Variants in MED12L observed in about 807,000 individuals in gnomAD.
The protein encoded by MED12L is mediator of RNA polymerase II transcription subunit 12-like protein.
Under a neutral mutation model 281.3 loss-of-function variants are expected in MED12L, and 60 were observed. That is an observed-to-expected ratio of 0.21 (90% confidence interval 0.17 to 0.26). MED12L has a LOEUF of 0.26. Ranked by LOEUF, MED12L falls within the 10% of genes least tolerant of loss-of-function variation. The pLI is 1.00. For missense variants in MED12L, 2,146 were observed against 2,680.9 expected, an observed-to-expected ratio of 0.80 and a Z score of 4.41; for synonymous variants, 974 against 987.2, an observed-to-expected ratio of 0.99 and a Z score of 0.25.
intron 11 of MED12L, among the ~76,000 whole-genome samples, chr3:151,179,079 C>T (rs1358263596): frequency 1.3e-5 from 2 of 152,154 alleles, no homozygotes; most frequent in African/African-American, 4.8e-5. Context: ...GTGGCTCATA[C>T]TGGTAATGCC....
chr3:151,200,256 A>G (rs1157816882), intron 16 of MED12L, among the ~76,000 whole-genome samples: 1 of 152,196 alleles, frequency 6.6e-6, no homozygotes, highest in Non-Finnish European at 1.5e-5. Flanking sequence ...TGTAAGCTCA[A>G]GTTAAACTGA....
chr3:151,220,267 T>C (rs940194254), intron 16 of MED12L, among the ~76,000 whole-genome samples: 10 of 151,854 alleles, frequency 6.6e-5, no homozygotes, highest in African/African-American at 1.9e-4. Flanking sequence ...AGATAACACC[T>C]GAAAGCCATG....
rs763811837 is a variant in MED12L at position 151,213,420 on chromosome 3, G to C, written c.2250+19754G>C. 2.5e-6 allele frequency: 4 copies of C among 1,613,964 alleles called. No individual in the cohort carries two copies. In the African/African-American group the frequency reaches 5.3e-5, roughly 22 times the overall value. ...TACATAAGATTTCCCTAAACGGCTG[G>C]CATAGAAAGAAATAAATAATAGGGT... is the stretch of plus-strand genomic sequence containing the variant. On this transcript the variant is annotated intron_variant, in intron 16 of 44. Transcript: ENST00000687756.
intron 16 of MED12L, among the ~76,000 whole-genome samples, chr3:151,309,645 A>C (rs1043199918): frequency 6.6e-6 from 1 of 152,278 alleles, no homozygotes; most frequent in Middle Eastern, 3.4e-3. Flanking sequence ...TGTTATCCCC[A>C]TGTGCCACAT....
intron 5 of MED12L, among the ~76,000 whole-genome samples, chr3:151,128,769 A>G (rs978569845): frequency 1.6e-4 from 24 of 152,236 alleles, no homozygotes; most frequent in Admixed American, 6.5e-4. Flanking sequence ...ATTTTATTCA[A>G]TGTCCATCTC....
Position 151,411,488 on chromosome 3 carries a change from C to G in MED12L, c.6121C>G (p.Pro2041Ala), listed in dbSNP as rs747529722. 1.2e-6 allele frequency: 2 copies of G among 1,614,180 alleles called. No homozygotes were observed. The highest frequency in any genetic ancestry group is 8.5e-7 in the Non-Finnish European group (1 of 1,180,000). ...GCAGCAGGCCTCGCCGTACCTGCAGCCCCTGACTGGCTCTCAGAGGTGATA... is the reference window on the plus strand; with the variant it reads ...GCAGCAGGCCTCGCCGTACCTGCAGGCCCTGACTGGCTCTCAGAGGTGATA... The part of the protein sequence containing the change: ...VQQQASPYLQ[P>A]LTGSQRLNHQ... Residue 2041 changes from proline (P) to alanine (A), a missense_variant, in exon 41 of 45, where the codon CCC (proline) becomes GCC (alanine). Pro to Ala is a conservative substitution (Grantham distance 27). Around this residue, in one of 9 missense-constraint regions of MED12L, gnomAD observed 496 missense variants for 512.0 expected, o/e 0.97. Transcript: ENST00000687756.
chr3:151,354,923 TAG>T (rs1753726669), intron 17 of MED12L, among the ~76,000 whole-genome samples, 196 bp from the exon 18 acceptor site: 2 of 152,208 alleles, frequency 1.3e-5, no homozygotes, highest in South Asian at 4.1e-4. Context: ...GAGACATGCC[TAG>T]AGAGGCCTGA....
chr3:151,293,260 A>G (rs974323190), intron 16 of MED12L, among the ~76,000 whole-genome samples: 1 of 152,186 alleles, frequency 6.6e-6, no homozygotes, highest in African/African-American at 2.4e-5. Flanking sequence ...TTTGCAGTTT[A>G]CAAGACTCTA....
chr3:151,412,625 T>C (rs748564486), intron 41 of MED12L, among the ~76,000 whole-genome samples: 4 of 152,222 alleles, frequency 2.6e-5, no homozygotes, highest in Non-Finnish European at 5.9e-5. Context: ...GCATTGTATG[T>C]ACAATTTTTA....
intron 14 of MED12L, 144 bp downstream of exon 14, chr3:151,191,075 A>G: frequency 1.5e-6 from 1 of 677,900 alleles, no homozygotes; most frequent in Non-Finnish European, 2.5e-6. Context: ...CTACTTCTCG[A>G]GCAGGAAAGA....
intron 43 of MED12L, among the ~76,000 whole-genome samples, chr3:151,417,478 C>CG (rs1346930570): frequency 1.1e-4 from 12 of 110,900 alleles, no homozygotes; most frequent in African/African-American, 4.0e-4. Context: ...CCCCCAGCTC[C>CG]CCCCCCGCCT....
Position 151,160,021 on chromosome 3 carries a change from C to T in MED12L, c.1027C>T (p.Pro343Ser), listed in dbSNP as rs1320382376. 6.2e-7 allele frequency: 1 copy of T among 1,614,202 alleles called. No individual in the cohort carries two copies. The highest frequency in any genetic ancestry group is 1.1e-5 in the South Asian group (1 of 91,080). ...TGGCCCCCCCGGCCCTGGCATGAGCCCCGTGCAGCTGGCCTTCTCAGATTT... is the reference window on the plus strand; with the variant it reads ...TGGCCCCCCCGGCCCTGGCATGAGCTCCGTGCAGCTGGCCTTCTCAGATTT... Reference protein sequence around the residue: ...SPGPPGPGMSPVQLAFSDFLS... With the variant: ...SPGPPGPGMSSVQLAFSDFLS... The change falls in exon 8 of 45, where the codon CCC becomes TCC. Residue 343 changes from proline to serine, a missense_variant. This residue lies in a region of MED12L where 722 missense variants were observed against 861.2 expected (regional missense o/e 0.84). Coordinates refer to ENST00000687756, the MANE Select transcript of MED12L (RefSeq NM_001393769.1).
At chr3:151,198,249 A>G (rs1321957540) in intron 16 of MED12L, 1 of 515,772 alleles carries the variant, frequency 1.9e-6, no homozygotes, top group African/African-American at 1.9e-5. Context: ...AAGCCTAACA[A>G]TAAAGCTTGA....
At chr3:151,395,900 C>T (rs1187154522) in intron 39 of MED12L, among the ~76,000 whole-genome samples, 1 of 152,204 alleles carries the variant, frequency 6.6e-6, no homozygotes, top group East Asian at 1.9e-4. Context: ...ATTTACGGCA[C>T]TTCCTGCATT....
chr3:151,344,667 A>T (rs563671364), intron 16 of MED12L, among the ~76,000 whole-genome samples: 159 of 152,356 alleles, frequency 1.0e-3, no homozygotes, highest in African/African-American at 3.4e-3. Flanking sequence ...ACTGGGAAGT[A>T]TGAAGTGCCA....
chr3:151,319,596 C>T (rs1748751026), intron 16 of MED12L, among the ~76,000 whole-genome samples: 1 of 151,576 alleles, frequency 6.6e-6, no homozygotes, highest in South Asian at 2.1e-4. Flanking sequence ...GGTATTAAGA[C>T]TACAAACAAA....
intron 3 of MED12L, among the ~76,000 whole-genome samples, chr3:151,117,214 C>T (rs1712961087): frequency 6.6e-6 from 1 of 151,580 alleles, no homozygotes; most frequent in South Asian, 2.1e-4. Flanking sequence ...TAATCCGTAC[C>T]TTCATTTTTC....
intron 5 of MED12L, among the ~76,000 whole-genome samples, chr3:151,153,564 C>CTTTTTTTTTTTT (rs1177653143): frequency 1.1e-3 from 107 of 94,248 alleles, no homozygotes; most frequent in African/African-American, 1.7e-3. Context: ...TGTTTTCTTT[C>CTTTTTTTTTTTT]TTTTTTTTTT....
intron 10 of MED12L, 113 bp downstream of exon 10, chr3:151,165,632 G>T: frequency 1.0e-6 from 1 of 991,890 alleles, no homozygotes; most frequent in Non-Finnish European, 1.5e-6. Context: ...AGAGCCACTT[G>T]GTGAATTTTG....
Sources: allele counts gnomAD v4.1 joint callset (sites outside exome capture counted in the v4.1 genomes callset), GRCh38; gene constraint gnomAD v4.1.1; regional missense constraint gnomAD v4.1.1; transcripts MANE v1.5; gene names NCBI Gene and HGNC (gene_info 2026-07-23, HGNC 2026-07-21).